The following DSE variants were observed in gnomAD, a reference collection of about 807,000 sequenced individuals.
DSE encodes dermatan sulfate epimerase, also known as dermatan-sulfate epimerase.
Under a neutral mutation model 84.4 loss-of-function variants are expected in DSE, and 36 were observed. The observed-to-expected ratio is 0.43, with a 90% CI of 0.33 to 0.56. The LOEUF (loss-of-function observed/expected upper bound fraction) is 0.56. Ranked by LOEUF, DSE falls within the 20% of genes least tolerant of loss-of-function variation. DSE has a pLI of 0.06. For synonymous variants in DSE, 410 were observed against 430.1 expected, an observed-to-expected ratio of 0.95 and a Z score of 0.58; for missense variants, 862 against 1,169.6, an observed-to-expected ratio of 0.74 and a Z score of 3.84.
rs562471163 is a variant in DSE at position 116,398,610 on chromosome 6, A to C, written c.-53-588A>C. Among the ~76,000 whole-genome samples the C allele has an allele frequency of 3.9e-5, 6 of 152,298 alleles. No individual in the cohort carries two copies. In the South Asian group the frequency reaches 1.2e-3, roughly 32 times the overall value. On this transcript the variant is annotated intron_variant, in intron 1 of 5. Coordinates refer to ENST00000644252, the MANE Select transcript of DSE (RefSeq NM_013352.4). ...ATACACGGGCTTGGCAGATGTTTAC[A>C]TGGCCTTTGTCTTCTCTCTTTCCAC...
chr6:116,299,547 T>TACACAC lies in DSE; in HGVS notation c.-54+40581_-54+40582insCACACA, dbSNP rs1562213572. On this transcript the variant is annotated intron_variant, in intron 2 of 3. Transcript: ENST00000430252. ...ATATATATATATATATATATATATA[T>TACACAC]ATATACACATACACACACACACACA... 5.4e-4 allele frequency among the ~76,000 whole-genome samples: 27 copies of TACACAC among 50,048 alleles called. 1 individual carries two copies. The highest frequency in any genetic ancestry group is 6.5e-4 in the Admixed American group (3 of 4,602). The allele number at this position is 50,048 out of a possible 152,430, so 32.8% of individuals were successfully genotyped here. A position where few individuals can be genotyped will look rare whatever the true frequency, so the allele number is the denominator to read the frequency against.
intron 2 of DSE, among the ~76,000 whole-genome samples, chr6:116,346,613 T>G (rs140989300): frequency 2.6e-5 from 4 of 152,132 alleles, no homozygotes; most frequent in Admixed American, 2.0e-4. Context: ...ATTGATGGGA[T>G]GTATGTCAAA....
At chr6:116,383,337 T>C (rs1286003047) in intron 1 of DSE, among the ~76,000 whole-genome samples, 2 of 152,118 alleles carry the variant, frequency 1.3e-5, no homozygotes, top group Non-Finnish European at 2.9e-5. Context: ...GGACTCAGGC[T>C]GTGAATAGAC....
chr6:116,343,744 G>A (rs541860969), intron 2 of DSE, among the ~76,000 whole-genome samples: 1 of 152,226 alleles, frequency 6.6e-6, no homozygotes, highest in South Asian at 2.1e-4. Context: ...AAGGAATGCA[G>A]TTCCTCGCCA....
At chr6:116,429,641 T>C (rs1451184340) in intron 3 of DSE, among the ~76,000 whole-genome samples, 1 of 152,174 alleles carries the variant, frequency 6.6e-6, no homozygotes, top group East Asian at 1.9e-4. Context: ...GTGTAAGTTA[T>C]AAATGTTATA....
At chr6:116,426,881 C>A in intron 3 of DSE, 54 bp downstream of exon 3, 2 of 1,563,080 alleles carry the variant, frequency 1.3e-6, no homozygotes, top group South Asian at 1.2e-5. Context: ...TCATAGTTGC[C>A]ATGTTGTGAG....
At chr6:116,312,726 G>A (rs968773702) in intron 2 of DSE, among the ~76,000 whole-genome samples, 5 of 152,010 alleles carry the variant, frequency 3.3e-5, no homozygotes, top group Admixed American at 6.5e-5. Context: ...GATAATATAA[G>A]TGAAACAGTA....
At chr6:116,361,129 G>A (rs1019353261) in intron 2 of DSE, among the ~76,000 whole-genome samples, 4 of 151,838 alleles carry the variant, frequency 2.6e-5, no homozygotes, top group Non-Finnish European at 2.9e-5. Flanking sequence ...GCGTGATCTC[G>A]GCTGACCACA....
At chr6:116,281,290 C>T (rs927810054) in intron 2 of DSE, among the ~76,000 whole-genome samples, 1 of 152,154 alleles carries the variant, frequency 6.6e-6, no homozygotes, top group African/African-American at 2.4e-5. Flanking sequence ...AGATTCAATC[C>T]TAGAGCCTCC....
At chr6:116,377,957 G>A (rs1241542990) in intron 1 of DSE, among the ~76,000 whole-genome samples, 2 of 152,080 alleles carry the variant, frequency 1.3e-5, no homozygotes, top group African/African-American at 2.4e-5. Flanking sequence ...GCAGTTTGAT[G>A]ATATCATTCC....
chr6:116,361,784 G>A (rs1041233373), intron 2 of DSE, among the ~76,000 whole-genome samples: 9 of 152,230 alleles, frequency 5.9e-5, no homozygotes, highest in African/African-American at 2.2e-4. Context: ...GAAAAATAAA[G>A]AAGCTTATAT....
chr6:116,384,528 C>T (rs755677963), intron 1 of DSE, among the ~76,000 whole-genome samples: 7 of 152,156 alleles, frequency 4.6e-5, no homozygotes, highest in African/African-American at 1.2e-4. Context: ...GCCGTGATCA[C>T]GGCTCTCAGT....
intron 2 of DSE, among the ~76,000 whole-genome samples, chr6:116,419,005 C>T (rs1162233064): frequency 2.0e-5 from 3 of 152,226 alleles, no homozygotes; most frequent in Admixed American, 6.5e-5. Flanking sequence ...TCCTTTCCCT[C>T]CCTGTGCATT....
chr6:116,317,142 G>A (rs573959910), intron 2 of DSE, among the ~76,000 whole-genome samples: 1 of 152,200 alleles, frequency 6.6e-6, no homozygotes, highest in African/African-American at 2.4e-5. Context: ...TGAAAACTTA[G>A]CAAGGCTGTT....
At chr6:116,422,886 A>T (rs1043369179) in intron 2 of DSE, among the ~76,000 whole-genome samples, 1 of 152,224 alleles carries the variant, frequency 6.6e-6, no homozygotes, top group African/African-American at 2.4e-5. Context: ...CTAAAATGTA[A>T]TAGTCTCGGA....
chr6:116,328,907 G>A (rs1360536623), intron 2 of DSE, among the ~76,000 whole-genome samples: 1 of 152,078 alleles, frequency 6.6e-6, no homozygotes, highest in Non-Finnish European at 1.5e-5. Flanking sequence ...GCTGCTTTGT[G>A]TGTAGAAAAT....
At chr6:116,376,195 A>G (rs1331684646) in intron 1 of DSE, among the ~76,000 whole-genome samples, 6 of 152,016 alleles carry the variant, frequency 3.9e-5, no homozygotes, top group African/African-American at 1.5e-4. Flanking sequence ...GTCCTCTTCC[A>G]CTTCTCTCTA....
intron 2 of DSE, chr6:116,276,533 T>C (rs186404405): frequency 6.6e-6 from 1 of 152,226 alleles, no homozygotes; most frequent in Admixed American, 6.5e-5. Context: ...TTAAGGACTT[T>C]AATGATTCTG....
chr6:116,318,163 A>G (rs1776097341), intron 2 of DSE, among the ~76,000 whole-genome samples: 1 of 152,166 alleles, frequency 6.6e-6, no homozygotes, highest in Non-Finnish European at 1.5e-5. Flanking sequence ...GTAGCATTAT[A>G]ATTATTATGC....
Sources: gnomAD v4.1 joint callset for allele counts (sites outside exome capture counted in the v4.1 genomes callset) on GRCh38, gnomAD v4.1.1 for gene constraint, MANE v1.5 for transcripts, NCBI Gene and HGNC (gene_info 2026-07-23, HGNC 2026-07-21) for gene names.